Variants in RNF43 observed in about 807,000 individuals in gnomAD.
RNF43 encodes E3 ubiquitin-protein ligase RNF43.
RNF43 carries 37 observed loss-of-function variants against 78.4 expected under a neutral mutation model. That is an observed-to-expected ratio of 0.47 (90% CI 0.36 to 0.62). The LOEUF (loss-of-function observed/expected upper bound fraction) is 0.62, where lower values mean the gene tolerates loss of function less well. RNF43 is among the 20% of genes least tolerant of loss of function. The pLI is 0.00. For missense variants in RNF43, 774 were observed against 1,007.9 expected, an observed-to-expected ratio of 0.77 and a Z score of 3.14; for synonymous variants, 347 against 395.0, an observed-to-expected ratio of 0.88 and a Z score of 1.44.
intron 2 of RNF43, among the ~76,000 whole-genome samples, chr17:58,391,600 C>T (rs756771046): frequency 6.6e-5 from 10 of 152,158 alleles, no homozygotes; most frequent in Non-Finnish European, 1.2e-4. Context: ...TAATAACTGA[C>T]GGCCTCTCAG....
intron 2 of RNF43, among the ~76,000 whole-genome samples, chr17:58,388,322 C>G (rs1291738191): frequency 2.0e-5 from 3 of 152,176 alleles, no homozygotes; most frequent in Non-Finnish European, 2.9e-5. Flanking sequence ...ATTATCAGAC[C>G]TGTTTCTGGA....
chr17:58,381,268 G>C (rs1426781415), intron 2 of RNF43, among the ~76,000 whole-genome samples: 1 of 152,232 alleles, frequency 6.6e-6, no homozygotes, highest in Non-Finnish European at 1.5e-5. Context: ...ATTAGGCCAA[G>C]AAGGCTTCTG....
At chr17:58,380,086 A>G (rs1973281571) in intron 2 of RNF43, among the ~76,000 whole-genome samples, 1 of 152,052 alleles carries the variant, frequency 6.6e-6, no homozygotes, top group Non-Finnish European at 1.5e-5. Context: ...TGTGTTCTGG[A>G]CTCCTTTTCT....
At chr17:58,386,122 AAAC>A (rs1007522752) in intron 2 of RNF43, among the ~76,000 whole-genome samples, 5 of 150,590 alleles carry the variant, frequency 3.3e-5, no homozygotes, top group Non-Finnish European at 5.9e-5. Context: ...AAAAACGAAA[AAAC>A]AACAACAAAA....
chr17:58,377,889 A>C (rs1973238873), intron 2 of RNF43, among the ~76,000 whole-genome samples: 1 of 151,602 alleles, frequency 6.6e-6, no homozygotes, highest in Non-Finnish European at 1.5e-5. Context: ...TTCCTGCACA[A>C]CCTCCATTAC....
chr17:58,363,647 G>C lies in RNF43; in HGVS notation c.376-47C>G, dbSNP rs776658772. On this transcript the variant is annotated intron_variant, in intron 3 of 9. Coordinates refer to ENST00000407977, the MANE Select transcript of RNF43 (RefSeq NM_017763.6). ...GTTGGGCTGAGGTCAGGGAAGGACA[G>C]AGCCCACCCACAGGCTAGCCTCACC... 5 of 1,539,514 alleles carry C rather than the reference G, an allele frequency of 3.2e-6. No homozygotes were observed. In the South Asian group the frequency reaches 5.9e-5, roughly 18 times the overall value.
At chr17:58,415,273 G>T in intron 2 of RNF43, 53 bp downstream of exon 2, 1 of 1,589,716 alleles carries the variant, frequency 6.3e-7, no homozygotes, top group East Asian at 2.2e-5. Context: ...GACAAAAGAA[G>T]AAAGACATAT....
intron 2 of RNF43, among the ~76,000 whole-genome samples, chr17:58,399,329 A>G (rs895656983): frequency 6.6e-6 from 1 of 152,020 alleles, no homozygotes; most frequent in Admixed American, 6.5e-5. Context: ...TTACCTGAAA[A>G]TTTTTTCAGG....
chr17:58,411,807 C>T (rs2021733), intron 2 of RNF43, among the ~76,000 whole-genome samples: 129,662 of 152,228 alleles, frequency 0.85, 55,576 homozygotes, highest in East Asian at 1. Context: ...ACTGTAATCA[C>T]TTTTAGAAGT....
At chr17:58,392,799 T>A (rs960919051) in intron 2 of RNF43, among the ~76,000 whole-genome samples, 2 of 152,274 alleles carry the variant, frequency 1.3e-5, no homozygotes, top group African/African-American at 4.8e-5. Flanking sequence ...TGGATATGGT[T>A]GTTTCATTCT....
intron 2 of RNF43, among the ~76,000 whole-genome samples, chr17:58,409,071 T>G (rs1170139800): frequency 6.6e-6 from 1 of 152,216 alleles, no homozygotes; most frequent in Non-Finnish European, 1.5e-5. Context: ...GGATTTCCAC[T>G]CAGTAGAACT....
intron 3 of RNF43, 47 bp from the exon 4 acceptor site, chr17:58,363,647 G>A (rs776658772): frequency 1.4e-5 from 21 of 1,539,398 alleles, no homozygotes; most frequent in Non-Finnish European, 1.7e-5. Context: ...GGGAAGGACA[G>A]AGCCCACCCA....
At chr17:58,376,504 A>G (rs1973208465) in intron 2 of RNF43, among the ~76,000 whole-genome samples, 1 of 152,218 alleles carries the variant, frequency 6.6e-6, no homozygotes, top group African/African-American at 2.4e-5. Context: ...CTCAAATTAA[A>G]AACAAATAAT....
intron 2 of RNF43, among the ~76,000 whole-genome samples, chr17:58,413,116 T>G (rs1439718164): frequency 1.3e-5 from 2 of 152,152 alleles, no homozygotes; most frequent in Non-Finnish European, 2.9e-5. Context: ...ATGGAAGGCT[T>G]GGCTAACCAC....
At chr17:58,397,044 TAA>T (rs35034609) in intron 2 of RNF43, among the ~76,000 whole-genome samples, 28 of 127,872 alleles carry the variant, frequency 2.2e-4, no homozygotes, top group African/African-American at 3.5e-4. Context: ...AGCTTAGAAA[TAA>T]AAAAAAAAAA....
intron 2 of RNF43, among the ~76,000 whole-genome samples, chr17:58,381,210 C>T (rs1973309124): frequency 6.6e-6 from 1 of 152,176 alleles, no homozygotes; most frequent in Non-Finnish European, 1.5e-5. Flanking sequence ...AGCCACCAGC[C>T]AACTCAGATG....
intron 3 of RNF43, among the ~76,000 whole-genome samples, chr17:58,367,516 C>G (rs1409224989): frequency 6.6e-6 from 1 of 152,168 alleles, no homozygotes; most frequent in Non-Finnish European, 1.5e-5. Flanking sequence ...TTCTTTACTA[C>G]CAGGTAGTGG....
intron 3 of RNF43, among the ~76,000 whole-genome samples, chr17:58,370,613 C>T (rs950690083): frequency 6.6e-6 from 1 of 152,106 alleles, no homozygotes; most frequent in Non-Finnish European, 1.5e-5. Context: ...TTCAATTGAC[C>T]CCTTCTTTGC....
intron 2 of RNF43, among the ~76,000 whole-genome samples, chr17:58,413,721 T>C (rs1974068842): frequency 6.6e-6 from 1 of 152,212 alleles, no homozygotes; most frequent in Non-Finnish European, 1.5e-5. Flanking sequence ...TTGTTTACTT[T>C]TTCCTTTATG....
Sources: gnomAD v4.1 joint callset for allele counts (sites outside exome capture counted in the v4.1 genomes callset) on GRCh38, gnomAD v4.1.1 for gene constraint, MANE v1.5 for transcripts, NCBI Gene and HGNC (gene_info 2026-07-23, HGNC 2026-07-21) for gene names.